Variants in PCDHGB2 observed in about 807,000 individuals in gnomAD.
PCDHGB2 encodes protocadherin gamma-B2.
In PCDHGB2, 55 loss-of-function variants were observed where a neutral mutation model predicts 59.3. The observed-to-expected ratio is 0.93, with a 90% CI of 0.75 to 1.16. The LOEUF (loss-of-function observed/expected upper bound fraction) is 1.16. Ranked by LOEUF, PCDHGB2 falls within the 50% of genes most tolerant of loss-of-function variation. The pLI is 0.00. For missense variants in PCDHGB2, 1,228 were observed against 1,198.5 expected, an observed-to-expected ratio of 1.02 and a Z score of -0.36; for synonymous variants, 516 against 512.0, an observed-to-expected ratio of 1.01 and a Z score of -0.11.
intron 1 of PCDHGB2, among the ~76,000 whole-genome samples, chr5:141,386,387 C>T (rs1416257552): frequency 6.6e-6 from 1 of 152,092 alleles, no homozygotes; most frequent in Admixed American, 6.5e-5. Context: ...TAATTAAAAA[C>T]ACACTTTTAG....
intron 1 of PCDHGB2, chr5:141,430,838 G>A (rs866767896): frequency 2.6e-6 from 4 of 1,562,908 alleles, no homozygotes; most frequent in Non-Finnish European, 3.5e-6. Context: ...GTGGGAGACC[G>A]GATGCACCCA....
intron 1 of PCDHGB2, chr5:141,423,287 C>T: frequency 6.3e-7 from 1 of 1,586,406 alleles, no homozygotes; most frequent in South Asian, 1.1e-5. Flanking sequence ...AACTCTGAAA[C>T]CTCAGACCTC....
intron 1 of PCDHGB2, chr5:141,366,727 A>C: frequency 6.2e-7 from 1 of 1,613,036 alleles, no homozygotes; most frequent in Non-Finnish European, 8.5e-7. Context: ...AGGTAGATGC[A>C]AACAAAGAAG....
Position 141,414,170 on chromosome 5 carries a change from T to C in PCDHGB2, c.2421+51614T>C, listed in dbSNP as rs1411353386. The C allele has an allele frequency of 6.2e-7, 1 of 1,606,208 alleles. No homozygotes were observed. The highest frequency in any genetic ancestry group is 1.7e-5 in the Admixed American group (1 of 58,580). The stretch of plus-strand genomic sequence containing the variant: ...CAAGCAGAAGATGGAGGAGCATATC[T>C]TGCAACTGCAAAAGTGTTGATTACA... On this transcript the variant is annotated intron_variant, in intron 1 of 3. Coordinates refer to ENST00000522605, the MANE Select transcript of PCDHGB2 (RefSeq NM_018923.3).
At chr5:141,375,882 A>G in intron 1 of PCDHGB2, 1 of 1,613,814 alleles carries the variant, frequency 6.2e-7, no homozygotes, top group Non-Finnish European at 8.5e-7. Flanking sequence ...GACTCGGGCC[A>G]GAACGCCTGG....
intron 1 of PCDHGB2, among the ~76,000 whole-genome samples, chr5:141,492,862 G>A (rs2099744602): frequency 6.6e-6 from 1 of 152,198 alleles, no homozygotes. Context: ...GAGCGCCCTG[G>A]CTCTCAACCC....
chr5:141,370,950 C>T (rs78666647), intron 1 of PCDHGB2: 61,748 of 1,613,994 alleles, frequency 0.038, 1,384 homozygotes, highest in Middle Eastern at 0.054. Flanking sequence ...GAAGGAGAAC[C>T]TGGATGGCAG....
At chr5:141,501,305 A>G (rs2099807563) in intron 2 of PCDHGB2, among the ~76,000 whole-genome samples, 1 of 151,322 alleles carries the variant, frequency 6.6e-6, no homozygotes, top group African/African-American at 2.4e-5. Flanking sequence ...ACACACACAC[A>G]CACACACACA....
At chr5:141,378,925 T>C (rs1202116224) in intron 1 of PCDHGB2, 1 of 152,246 alleles carries the variant, frequency 6.6e-6, no homozygotes, top group African/African-American at 2.4e-5. Context: ...CAAAAGTAAG[T>C]TGATGGCCCT....
At chr5:141,383,255 T>C (rs772221697) in intron 1 of PCDHGB2, 32 of 1,613,816 alleles carry the variant, frequency 2.0e-5, no homozygotes, top group African/African-American at 2.7e-5. Flanking sequence ...CTTTACCCTA[T>C]AGACGTGGAA....
At chr5:141,468,744 T>G (rs113912306) in intron 1 of PCDHGB2, among the ~76,000 whole-genome samples, 5,602 of 152,138 alleles carry the variant, frequency 0.037, 142 homozygotes, top group South Asian at 0.077. Flanking sequence ...CGGGTGCCTG[T>G]AGTCCCAGCT....
intron 1 of PCDHGB2, chr5:141,427,971 C>A (rs764145525): frequency 1.3e-6 from 2 of 1,593,630 alleles, no homozygotes; most frequent in Non-Finnish European, 1.7e-6. Flanking sequence ...GGTGCTGTAC[C>A]CCGCGCTGGG....
At position 141,511,542 on chromosome 5, in the gene PCDHGB2, A is replaced by C; in HGVS notation, c.*369A>C. The stretch of plus-strand genomic sequence containing the variant: ...CCCATGCCTCCCTCCTCCCCACCCC[A>C]CTCCAACAGTTCCTCTTTCCCGAGT... On this transcript the variant is annotated 3_prime_UTR_variant, in exon 4 of 4. Coordinates refer to ENST00000522605, the MANE Select transcript of PCDHGB2 (RefSeq NM_018923.3). 6.6e-6 allele frequency: 2 copies of C among 302,184 alleles called. No homozygotes were observed. The highest frequency in any genetic ancestry group is 3.7e-5 in the South Asian group (1 of 26,678). The allele number at this position is 302,184 out of a possible 1,614,324, so 18.7% of individuals were successfully genotyped here. A position where few individuals can be genotyped will look rare whatever the true frequency, so the allele number is the denominator to read the frequency against.
At chr5:141,480,584 G>A (rs1421730652) in intron 1 of PCDHGB2, among the ~76,000 whole-genome samples, 1 of 134,606 alleles carries the variant, frequency 7.4e-6, no homozygotes, top group Non-Finnish European at 1.6e-5. Context: ...AATAACTGCC[G>A]CTCTTCTGGT....
chr5:141,447,433 C>G (rs756021616), intron 1 of PCDHGB2, among the ~76,000 whole-genome samples: 1 of 152,118 alleles, frequency 6.6e-6, no homozygotes. Context: ...CCACCGCACC[C>G]GGAGGAAATT....
intron 1 of PCDHGB2, chr5:141,415,453 G>A (rs759873920): frequency 1.9e-6 from 3 of 1,614,176 alleles, no homozygotes. Context: ...CTATTCCCAC[G>A]AGGTCTCTCT....
Position 141,418,242 on chromosome 5 carries a change from A to T in PCDHGB2, c.2421+55686A>T, listed in dbSNP as rs779996033. ...ATTGTGGTGATTGAGGATGTTAATG[A>T]CCACGCCCCTCAATTCCGGAAAGAT... On this transcript the variant is annotated intron_variant, in intron 1 of 3. Transcript: ENST00000522605. The T allele has an allele frequency of 3.7e-6, 6 of 1,613,896 alleles. No individual in the cohort carries two copies. The East Asian group carries it at 1.3e-4, about 36-fold the overall frequency.
At chr5:141,505,353 G>A (rs376781305) in intron 2 of PCDHGB2, 40 bp from the exon 3 acceptor site, 51 of 1,613,426 alleles carry the variant, frequency 3.2e-5, no homozygotes, top group East Asian at 2.7e-4. Flanking sequence ...GAGCTGTGCC[G>A]GCCTGGGAGT....
chr5:141,366,218 C>T (rs1366831646), intron 1 of PCDHGB2: 3 of 1,613,704 alleles, frequency 1.9e-6, no homozygotes, highest in African/African-American at 1.3e-5. Context: ...GCGCACAGCG[C>T]GAGCCCTGCT....
Sources: gnomAD v4.1 joint callset for allele counts (sites outside exome capture counted in the v4.1 genomes callset) on GRCh38, gnomAD v4.1.1 for gene constraint, MANE v1.5 for transcripts, NCBI Gene and HGNC (gene_info 2026-07-23, HGNC 2026-07-21) for gene names.